ARHGEF37: variants seen among roughly 807,000 people sequenced by gnomAD.
ARHGEF37 encodes the protein Rho guanine nucleotide exchange factor 37.
A neutral mutation model predicts 71.1 loss-of-function variants in ARHGEF37; 55 were observed. The observed-to-expected ratio is 0.77, with a 90% CI of 0.62 to 0.97. The LOEUF (loss-of-function observed/expected upper bound fraction) is 0.97. Ranked by LOEUF, ARHGEF37 falls within the 50% of genes least tolerant of loss-of-function variation. The probability of loss-of-function intolerance (pLI) is 0.00; values close to 1 mark genes in which losing one functional copy is unlikely to be tolerated. For missense variants in ARHGEF37, 765 were observed against 836.8 expected (o/e 0.91, Z 1.06); for synonymous variants, 327 against 350.6 (o/e 0.93, Z 0.75).
intron 3 of ARHGEF37, among the ~76,000 whole-genome samples, chr5:149,603,152 C>A (rs537679682): frequency 6.6e-6 from 1 of 152,028 alleles, no homozygotes; most frequent in Admixed American, 6.5e-5. Flanking sequence ...AGGCTGGTCT[C>A]GAGCTCCTGA....
intron 4 of ARHGEF37, among the ~76,000 whole-genome samples, chr5:149,614,802 G>A (rs1473586782): frequency 2.0e-5 from 3 of 152,174 alleles, no homozygotes; most frequent in African/African-American, 7.2e-5. Flanking sequence ...CTTCATGGCT[G>A]ATCTTTCCTG....
At chr5:149,560,490 G>A (rs1457636446) in intron 1 of ARHGEF37, among the ~76,000 whole-genome samples, 2 of 152,112 alleles carry the variant, frequency 1.3e-5, no homozygotes, top group African/African-American at 4.8e-5. Flanking sequence ...TTTAAGGACA[G>A]GTTAAATTAT....
intron 1 of ARHGEF37, among the ~76,000 whole-genome samples, chr5:149,564,373 C>T (rs1236079141): frequency 6.6e-6 from 1 of 152,084 alleles, no homozygotes; most frequent in Non-Finnish European, 1.5e-5. Flanking sequence ...TGCCCAGGTG[C>T]ACTAAATGAC....
chr5:149,577,635 G>T (rs937185381), upstream of ARHGEF37, among the ~76,000 whole-genome samples: 4 of 152,190 alleles, frequency 2.6e-5, no homozygotes, highest in African/African-American at 9.7e-5. Context: ...TCCAGGTTTG[G>T]AGCATTCAGC....
At chr5:149,598,771 G>GATATATAGATATAGAT (rs1427449966) in intron 2 of ARHGEF37, among the ~76,000 whole-genome samples, 9 of 78,590 alleles carry the variant, frequency 1.1e-4, no homozygotes, top group African/African-American at 3.3e-4. Flanking sequence ...TATAGATATA[G>GATATATAGATATAGAT]ATATAGATAT....
In ARHGEF37 at chr5:149,616,525, G is replaced by A. The variant is rs965961765; in HGVS notation, c.459-42G>A. ...ACAGCCCAGGCCCCCTGGTCCTCCA[G>A]AGGGTGGGATTTACCTGCCTAATAC... On this transcript the variant is annotated intron_variant, in intron 4 of 12. Coordinates refer to ENST00000333677, the MANE Select transcript of ARHGEF37 (RefSeq NM_001001669.3). 2.6e-6 allele frequency: 4 copies of A among 1,555,256 alleles called. No individual in the cohort carries two copies. The African/African-American group carries it at 4.1e-5, about 16-fold the overall frequency.
intron 12 of ARHGEF37, among the ~76,000 whole-genome samples, chr5:149,630,735 G>A (rs975650361): frequency 6.6e-6 from 1 of 152,112 alleles, no homozygotes; most frequent in African/African-American, 2.4e-5. Flanking sequence ...CCCCATCCAG[G>A]GGCTCATTTG....
upstream of ARHGEF37, among the ~76,000 whole-genome samples, chr5:149,580,356 C>T (rs797021917): frequency 1.3e-5 from 2 of 152,236 alleles, no homozygotes; most frequent in African/African-American, 2.4e-5. Context: ...CCACCGCGCC[C>T]GGCACCCTTG....
intron 11 of ARHGEF37, among the ~76,000 whole-genome samples, chr5:149,627,667 A>T (rs1257283187): frequency 6.6e-6 from 1 of 152,356 alleles, no homozygotes; most frequent in African/African-American, 2.4e-5. Context: ...CTACACCGCC[A>T]GAAGTCTGAT....
At position 149,634,673 on chromosome 5, in the gene ARHGEF37, G is replaced by A. The variant is rs1033959380; in HGVS notation, c.*2482G>A. ...CCCTCTCCAAATGCCTAGAACCATG[G>A]CACTGTGTCTTATTTATTTAACCGT... On this transcript the variant is annotated 3_prime_UTR_variant, in exon 13 of 13. Coordinates refer to ENST00000333677, the MANE Select transcript of ARHGEF37 (RefSeq NM_001001669.3). 1 of 152,666 alleles carries A rather than the reference G, an allele frequency of 6.6e-6. No individual in the cohort carries two copies. The highest frequency in any genetic ancestry group is 1.9e-4 in the East Asian group (1 of 5,172). The allele number at this position is 152,666 out of a possible 1,614,324, so 9.5% of individuals were successfully genotyped here.
At chr5:149,559,855 C>G (rs541154655) in intron 1 of ARHGEF37, among the ~76,000 whole-genome samples, 39 of 152,176 alleles carry the variant, frequency 2.6e-4, no homozygotes, top group Non-Finnish European at 4.7e-4. Flanking sequence ...TTCAAAATCT[C>G]AAGAATTTTG....
At chr5:149,605,260 A>C (rs1352979444) in intron 3 of ARHGEF37, among the ~76,000 whole-genome samples, 2 of 151,902 alleles carry the variant, frequency 1.3e-5, no homozygotes, top group East Asian at 3.9e-4. Flanking sequence ...AAAAAGAAAT[A>C]TAACGTTAGC....
intron 4 of ARHGEF37, among the ~76,000 whole-genome samples, chr5:149,612,319 C>T (rs1395461467): frequency 6.6e-6 from 1 of 152,162 alleles, no homozygotes; most frequent in Admixed American, 6.6e-5. Context: ...AGGCGCCGGC[C>T]ACCACGCCCG....
At chr5:149,617,385 G>A (rs1393079957) in intron 5 of ARHGEF37, among the ~76,000 whole-genome samples, 1 of 152,206 alleles carries the variant, frequency 6.6e-6, no homozygotes, top group Non-Finnish European at 1.5e-5. Context: ...TGGGGAGCCT[G>A]CCTCTCAGGT....
At chr5:149,631,056 G>C (rs553428006) in intron 12 of ARHGEF37, among the ~76,000 whole-genome samples, 2 of 152,230 alleles carry the variant, frequency 1.3e-5, no homozygotes, top group South Asian at 2.1e-4. Context: ...GGCTCAGAGA[G>C]GTTAAATATT....
At chr5:149,555,746 G>C (rs1455112657) in intron 1 of ARHGEF37, among the ~76,000 whole-genome samples, 1 of 152,142 alleles carries the variant, frequency 6.6e-6, no homozygotes, top group African/African-American at 2.4e-5. Flanking sequence ...AGAGAAAAAG[G>C]AAAGAGTAGA....
chr5:149,613,898 G>T (rs1360981320), intron 4 of ARHGEF37, among the ~76,000 whole-genome samples: 1 of 151,384 alleles, frequency 6.6e-6, no homozygotes, highest in East Asian at 1.9e-4. Flanking sequence ...TGAGTAGTTT[G>T]GACTACAGGT....
chr5:149,619,238 C>T (rs954496174), intron 7 of ARHGEF37, among the ~76,000 whole-genome samples, 196 bp downstream of exon 7: 12 of 152,140 alleles, frequency 7.9e-5, no homozygotes, highest in Non-Finnish European at 1.5e-4. Flanking sequence ...GGGGCAGCTC[C>T]GAGCCCATTG....
At chr5:149,560,623 T>C (rs1156725626) in intron 1 of ARHGEF37, among the ~76,000 whole-genome samples, 1 of 152,210 alleles carries the variant, frequency 6.6e-6, no homozygotes, top group Admixed American at 6.5e-5. Flanking sequence ...AAGATTGCTT[T>C]AAAAATATTG....
Sources: allele counts gnomAD v4.1 joint callset (sites outside exome capture counted in the v4.1 genomes callset), GRCh38; gene constraint gnomAD v4.1.1; transcripts MANE v1.5; gene names NCBI Gene and HGNC (gene_info 2026-07-23, HGNC 2026-07-21).